The following ADARB2 variants were observed in gnomAD, a reference collection of about 807,000 sequenced individuals.
ADARB2 encodes the protein inactive double-stranded RNA-specific editase B2.
Under a neutral mutation model 62.2 loss-of-function variants are expected in ADARB2, and 25 were observed. That is an observed-to-expected ratio of 0.40 (90% CI 0.29 to 0.56). The LOEUF (loss-of-function observed/expected upper bound fraction) is 0.56, where lower values mean the gene tolerates loss of function less well. Among genes scored for constraint, ADARB2 ranks in the 20% least tolerant of loss-of-function variants. ADARB2 has a pLI of 0.43. For synonymous variants in ADARB2, 572 were observed against 500.8 expected (o/e 1.14, Z -1.90); for missense variants, 1,071 against 1,077.4 (o/e 0.99, Z 0.08).
chr10:1,477,443 T>C lies in ADARB2; in HGVS notation c.101-98283A>G, dbSNP rs568213759. On this transcript the variant is annotated intron_variant, in intron 1 of 9. Coordinates refer to ENST00000381312, the MANE Select transcript of ADARB2 (RefSeq NM_018702.4). This position sits in a 1 kb window ranked among gnomAD's most constrained non-coding sequence, Gnocchi z 4.5. ...CAGCTTCCTTCCAGCCCTGCTTCTT[T>C]GCAGACGGCCCCTTTTCTGCTGTGC... Among the ~76,000 whole-genome samples the C allele has an allele frequency of 2.6e-5, 4 of 152,160 alleles. 1 individual carries two copies. The South Asian group carries it at 8.3e-4, about 32-fold the overall frequency.
chr10:1,420,711 C>T (rs1832845143), intron 1 of ADARB2, among the ~76,000 whole-genome samples: 1 of 152,000 alleles, frequency 6.6e-6, no homozygotes, highest in African/African-American at 2.4e-5. Context: ...CGCTGCCTGC[C>T]GCTGAGAACA....
chr10:1,697,528 A>G (rs1464202577), intron 1 of ADARB2, among the ~76,000 whole-genome samples: 2 of 151,954 alleles, frequency 1.3e-5, no homozygotes, highest in Non-Finnish European at 2.9e-5. Flanking sequence ...AAAGTGAGAA[A>G]AGATTCATCT....
rs936767938 is a variant in ADARB2, at chr10:1,646,651, C to T, written c.100+90400G>A. Among the ~76,000 whole-genome samples, 6 of 152,350 alleles carry T rather than the reference C, an allele frequency of 3.9e-5. No homozygotes were observed. In the South Asian group the frequency reaches 8.3e-4, roughly 21 times the overall value. ...GAGAGCAGGGCTCTGGACTCAAATC[C>T]GAACTTGCAACAGTCCCTTCTAGTC... On this transcript the variant is annotated intron_variant, in intron 1 of 9. Transcript: ENST00000381312.
At chr10:1,338,608 T>C (rs1416613966) in intron 3 of ADARB2, among the ~76,000 whole-genome samples, 1 of 152,198 alleles carries the variant, frequency 6.6e-6, no homozygotes, top group Non-Finnish European at 1.5e-5. Flanking sequence ...CAGCTAGTTC[T>C]CAATTAGGCA....
At chr10:1,215,960 G>T (rs751491148) in intron 7 of ADARB2, 2 of 151,818 alleles carry the variant, frequency 1.3e-5, no homozygotes, top group Non-Finnish European at 2.9e-5. Context: ...TCAAATCCAC[G>T]TTGGGGAGGC....
chr10:1,459,558 G>A (rs1451540663), intron 1 of ADARB2, among the ~76,000 whole-genome samples: 1 of 152,202 alleles, frequency 6.6e-6, no homozygotes, highest in Non-Finnish European at 1.5e-5. Flanking sequence ...GAGGTCAGGA[G>A]TTTGAGACCA....
chr10:1,355,557 CTGT>C (rs991910744), intron 3 of ADARB2, among the ~76,000 whole-genome samples: 2 of 152,238 alleles, frequency 1.3e-5, no homozygotes, highest in Non-Finnish European at 2.9e-5. Flanking sequence ...GCTAATGGCA[CTGT>C]TGTTATCATC....
At chr10:1,714,178 ACAGT>A (rs1391033092) in intron 1 of ADARB2, among the ~76,000 whole-genome samples, 45 of 152,352 alleles carry the variant, frequency 3.0e-4, no homozygotes, top group African/African-American at 9.6e-4. Flanking sequence ...TTGAAATATT[ACAGT>A]CAGTGTTCCA....
chr10:1,408,971 CGTG>C (rs943366795), intron 1 of ADARB2, among the ~76,000 whole-genome samples: 3 of 152,174 alleles, frequency 2.0e-5, no homozygotes, highest in African/African-American at 7.2e-5. Flanking sequence ...CTGCTGGCTC[CGTG>C]GTGGTGGCGT....
intron 3 of ADARB2, among the ~76,000 whole-genome samples, chr10:1,302,916 C>T (rs1258932531): frequency 9.2e-5 from 14 of 152,078 alleles, no homozygotes; most frequent in African/African-American, 3.4e-4. Flanking sequence ...GATAAAACCA[C>T]AAAGATGGGG....
chr10:1,730,702 A>C (rs545036827), intron 1 of ADARB2, among the ~76,000 whole-genome samples: 1 of 152,132 alleles, frequency 6.6e-6, no homozygotes, highest in Non-Finnish European at 1.5e-5. Flanking sequence ...ATTGGACACT[A>C]TTTCTTAAGT....
At chr10:1,571,748 G>A (rs1171342935) in intron 1 of ADARB2, among the ~76,000 whole-genome samples, 1 of 149,934 alleles carries the variant, frequency 6.7e-6, no homozygotes, top group African/African-American at 2.5e-5. Flanking sequence ...ATGGACAGGT[G>A]AGTGTGCAGG....
At chr10:1,184,345 G>A (rs1366047402) in intron 9 of ADARB2, among the ~76,000 whole-genome samples, 1 of 152,172 alleles carries the variant, frequency 6.6e-6, no homozygotes, top group Admixed American at 6.5e-5. Context: ...TTAAAATCCA[G>A]AAATATTGCT....
chr10:1,348,159 C>A (rs1207675212), intron 3 of ADARB2, among the ~76,000 whole-genome samples: 1 of 152,152 alleles, frequency 6.6e-6, no homozygotes, highest in African/African-American at 2.4e-5. Context: ...GTGTGCCCTG[C>A]ATTGCTGGGG....
chr10:1,257,684 T>TATAACAGCATAGGGCA (rs1329299685), intron 4 of ADARB2, among the ~76,000 whole-genome samples: 3 of 151,998 alleles, frequency 2.0e-5, no homozygotes, highest in African/African-American at 7.3e-5. Flanking sequence ...AAAGTTTGGT[T>TATAACAGCATAGGGCA]ATAACAGCAT....
chr10:1,658,246 GTC>G (rs918119084), intron 1 of ADARB2, among the ~76,000 whole-genome samples: 18 of 149,592 alleles, frequency 1.2e-4, no homozygotes, highest in Admixed American at 3.3e-4. Flanking sequence ...CTCTCTGTAT[GTC>G]TCTCTGTCTG....
chr10:1,676,693 G>A (rs1834470449), intron 1 of ADARB2, among the ~76,000 whole-genome samples: 1 of 152,148 alleles, frequency 6.6e-6, no homozygotes, highest in Non-Finnish European at 1.5e-5. Flanking sequence ...AGTTTAATGG[G>A]AATGAAAGAA....
intron 3 of ADARB2, among the ~76,000 whole-genome samples, chr10:1,343,161 A>C (rs1174235460): frequency 6.6e-6 from 1 of 152,212 alleles, no homozygotes; most frequent in Non-Finnish European, 1.5e-5. Flanking sequence ...GCCTGTACAT[A>C]AAAACCAGGT....
At chr10:1,360,984 G>A (rs1486484043) in intron 3 of ADARB2, 1 of 152,336 alleles carries the variant, frequency 6.6e-6, no homozygotes, top group Non-Finnish European at 1.5e-5. Flanking sequence ...GGGCTGGGGA[G>A]GGTGGAGGGA....
Sources: allele counts gnomAD v4.1 joint callset (sites outside exome capture counted in the v4.1 genomes callset), GRCh38; gene constraint gnomAD v4.1.1; non-coding constraint Gnocchi (gnomAD v3.1); transcripts MANE v1.5; gene names NCBI Gene and HGNC (gene_info 2026-07-23, HGNC 2026-07-21).